The following MSANTD2 variants were observed in gnomAD, a reference collection of about 807,000 sequenced individuals.
The protein encoded by MSANTD2 is Myb/SANT DNA binding domain containing 2.
In MSANTD2, 19 loss-of-function variants were observed where a neutral mutation model predicts 52.6. That is an observed-to-expected ratio of 0.36 (90% CI 0.25 to 0.53). The LOEUF is 0.53. Ranked by LOEUF, MSANTD2 falls within the 20% of genes least tolerant of loss-of-function variation. MSANTD2 has a pLI of 0.91. For missense variants in MSANTD2, 558 were observed against 716.3 expected, an observed-to-expected ratio of 0.78 and a Z score of 2.52; for synonymous variants, 291 against 289.7, an observed-to-expected ratio of 1.00 and a Z score of -0.04.
At chr11:124,799,780 C>G in intron 1 of MSANTD2, 91 bp downstream of exon 1, 1 of 921,960 alleles carries the variant, frequency 1.1e-6, no homozygotes, top group Admixed American at 2.6e-5. Flanking sequence ...GGAGGAGAGC[C>G]CTGCCCTCAG....
At chr11:124,783,859 G>T (rs1398001416) in intron 1 of MSANTD2, 1 of 985,304 alleles carries the variant, frequency 1.0e-6, no homozygotes, top group African/African-American at 1.7e-5. Context: ...TAACCATAAA[G>T]CTTCTGACCC....
intron 1 of MSANTD2, among the ~76,000 whole-genome samples, chr11:124,777,009 A>G (rs967406506): frequency 2.0e-5 from 3 of 152,244 alleles, no homozygotes; most frequent in African/African-American, 7.2e-5. Context: ...AAACCTTCCA[A>G]TGGAAGGAGA....
chr11:124,798,234 T>TAAAAAAAAAAAAAA lies in MSANTD2; in HGVS notation c.510+1623_510+1636dup, dbSNP rs10601418. 3.2e-4 allele frequency among the ~76,000 whole-genome samples: 35 copies of TAAAAAAAAAAAAAA among 110,504 alleles called. 2 individuals carry two copies. The highest frequency in any genetic ancestry group is 1.4e-3 in the African/African-American group (34 of 24,868). 72.5% of individuals were successfully genotyped at this position (110,504 alleles called of 152,430 possible). ...GAGCAACGTAGAAGACCCTGTCTCTTAAAAAAAAAAAAAAAAAAAAAAAAA... is the reference window on the plus strand; with the variant it reads ...GAGCAACGTAGAAGACCCTGTCTCTTAAAAAAAAAAAAAAAAAAAAAAAAAAAAAAAAAAAAAAA... On this transcript the variant is annotated intron_variant, in intron 1 of 3. Coordinates refer to ENST00000374979, the MANE Select transcript of MSANTD2 (RefSeq NM_001308027.2).
In MSANTD2 at chr11:124,799,834, C is replaced by CCT; in HGVS notation, c.510+35_510+36dup. 3 of 1,508,500 alleles carry CCT rather than the reference C, an allele frequency of 2.0e-6. No individual in the cohort carries two copies. The South Asian group carries it at 3.5e-5, about 18-fold the overall frequency. 93.4% of individuals were successfully genotyped at this position (1,508,500 alleles called of 1,614,324 possible). On this transcript the variant is annotated intron_variant, in intron 1 of 3. Coordinates refer to ENST00000374979, the MANE Select transcript of MSANTD2 (RefSeq NM_001308027.2). ...GGCCCGCTTCCCCGCCTTCTCTCTG[C>CCT]CTCTGGTTCGCTGCCCCAGGCCGGG...
Position 124,779,414 on chromosome 11 carries a change from T to C in MSANTD2, c.511-4440A>G, listed in dbSNP as rs568169581. On this transcript the variant is annotated intron_variant, in intron 1 of 3. Coordinates refer to ENST00000374979, the MANE Select transcript of MSANTD2 (RefSeq NM_001308027.2). This position sits in a 1 kb window ranked among gnomAD's most constrained non-coding sequence, Gnocchi z 4.6. ...AGGCATATGCCAACCAATTCCAGTA[T>C]TGGCTTAATAATTTTCTCAAAGTTT... 6.6e-6 allele frequency among the ~76,000 whole-genome samples: 1 copy of C among 152,318 alleles called. No homozygotes were observed. The highest frequency in any genetic ancestry group is 2.1e-4 in the South Asian group (1 of 4,826).
At chr11:124,791,406 C>A in intron 1 of MSANTD2, 3 of 1,335,674 alleles carry the variant, frequency 2.2e-6, no homozygotes, top group South Asian at 1.2e-5. Context: ...AACCTTAGAA[C>A]TCAGTGTACA....
rs573260380 is a variant in MSANTD2, at chr11:124,800,361, G to T, written c.20C>A (p.Ser7Ter). ...TAGCGGCGAGTTGGCGGGCAGCTCC[G>T]AGCCACAGGGCGCAGCCATCTTCCA... Reference protein sequence around the residue: MAAPCGSELPANSPLKI... With the variant: MAAPCG The change falls in exon 1 of 4, where the codon TCG becomes TAG. Residue 7 changes from serine to a stop codon, truncating the protein, a stop_gained. Coordinates refer to ENST00000374979, the MANE Select transcript of MSANTD2 (RefSeq NM_001308027.2). LOFTEE classifies it high-confidence loss of function. This position sits in a 1 kb window ranked among gnomAD's most constrained non-coding sequence, Gnocchi z 4.3. 1.3e-6 allele frequency: 2 copies of T among 1,538,016 alleles called. No homozygotes were observed. Among genetic ancestry groups the T allele is most frequent in the Non-Finnish European group, 1.7e-6 (2 of 1,143,616 alleles).
chr11:124,795,217 C>T (rs1310001460), intron 1 of MSANTD2, among the ~76,000 whole-genome samples: 1 of 152,180 alleles, frequency 6.6e-6, no homozygotes, highest in Non-Finnish European at 1.5e-5. Flanking sequence ...GAGCGACCAG[C>T]ACTGATTCAG....
intron 1 of MSANTD2, among the ~76,000 whole-genome samples, chr11:124,796,762 C>T (rs529489146): frequency 6.6e-6 from 1 of 152,312 alleles, no homozygotes; most frequent in Non-Finnish European, 1.5e-5. Flanking sequence ...CCACATCTTA[C>T]TACTTTGCTT....
intron 1 of MSANTD2, among the ~76,000 whole-genome samples, chr11:124,787,672 T>G (rs946423319): frequency 3.9e-5 from 6 of 152,250 alleles, no homozygotes; most frequent in Non-Finnish European, 5.9e-5. Flanking sequence ...GTGAACTCTA[T>G]AGGTAAAAGG....
rs976438561 is a variant in MSANTD2 at position 124,775,843 on chromosome 11, G to C, written c.511-869C>G. The C allele has an allele frequency of 1.3e-5, 2 of 152,150 alleles. 1 individual carries two copies. The highest frequency in any genetic ancestry group is 4.1e-4 in the South Asian group (2 of 4,828). 9.4% of individuals were successfully genotyped at this position (152,150 alleles called of 1,614,324 possible). ...AAAACCTGAATAATTTTATTCTCTTGTACAACCCTTCCATTTTTACCATGG... is the reference window on the plus strand; with the variant it reads ...AAAACCTGAATAATTTTATTCTCTTCTACAACCCTTCCATTTTTACCATGG... On this transcript the variant is annotated intron_variant, in intron 1 of 3. Transcript: ENST00000374979.
intron 1 of MSANTD2, 129 bp from the exon 2 acceptor site, chr11:124,775,103 G>T: frequency 1.3e-6 from 1 of 759,708 alleles, no homozygotes; most frequent in South Asian, 2.5e-5. Context: ...AGGAATGCTA[G>T]ATTTCAAATT....
chr11:124,786,624 T>G (rs1467965339), intron 1 of MSANTD2, among the ~76,000 whole-genome samples: 1 of 152,248 alleles, frequency 6.6e-6, no homozygotes, highest in Non-Finnish European at 1.5e-5. Context: ...ATGAATACAA[T>G]TAAGTCTTTA....
chr11:124,779,720 G>A lies in MSANTD2; in HGVS notation c.511-4746C>T, dbSNP rs1218710892. 6.6e-6 allele frequency among the ~76,000 whole-genome samples: 1 copy of A among 152,180 alleles called. No homozygotes were observed. Among genetic ancestry groups the A allele is most frequent in the Non-Finnish European group, 1.5e-5 (1 of 68,042 alleles). ...ATTTTCAAATGTAGCTGTCAAGCTG[G>A]CCACACTGGAAATGGATTACATAGT... On this transcript the variant is annotated intron_variant, in intron 1 of 3. Coordinates refer to ENST00000374979, the MANE Select transcript of MSANTD2 (RefSeq NM_001308027.2). This position sits in a 1 kb window ranked among gnomAD's most constrained non-coding sequence, Gnocchi z 4.6.
Position 124,799,865 on chromosome 11 carries a change from G to A in MSANTD2, c.510+6C>T, listed in dbSNP as rs756614737. 1 of 1,572,862 alleles carries A rather than the reference G, an allele frequency of 6.4e-7. No homozygotes were observed. Among genetic ancestry groups the A allele is most frequent in the Non-Finnish European group, 8.6e-7 (1 of 1,167,544 alleles). On this transcript the variant is annotated splice_donor_region_variant and intron_variant, in intron 1 of 3. Transcript: ENST00000374979. ...GTTCGCTGCCCCAGGCCGGGCGGCC[G>A]GTTACCTTGATGCGCTCCCGGCACT...
chr11:124,799,797 C>G, intron 1 of MSANTD2, 74 bp downstream of exon 1: 1 of 1,172,250 alleles, frequency 8.5e-7, no homozygotes, highest in Non-Finnish European at 1.2e-6. Context: ...TCAGACCGGC[C>G]CCCGCCCCCG....
intron 2 of MSANTD2, among the ~76,000 whole-genome samples, chr11:124,773,940 C>T (rs6590094): frequency 0.32 from 49,371 of 152,052 alleles, 12,132 homozygotes; most frequent in African/African-American, 0.7. Flanking sequence ...TGATCAGTAC[C>T]TCCAAATTAT....
At position 124,799,892 on chromosome 11, in the gene MSANTD2, G is replaced by C. The variant is rs773859425; in HGVS notation, c.489C>G (p.Ser163=). The change falls in exon 1 of 4, where the codon TCC becomes TCG. Residue 163 remains serine, a synonymous_variant. Coordinates refer to ENST00000374979, the MANE Select transcript of MSANTD2 (RefSeq NM_001308027.2). ...LAELGYERTP[S]QCRERIKTLR... is the part of the protein sequence containing the mutation. ...TTACCTTGATGCGCTCCCGGCACTG[G>C]GACGGGGTCCGCTCGTAGCCCAGCT... The C allele has an allele frequency of 9.3e-5, 147 of 1,582,668 alleles. No homozygotes were observed. Among genetic ancestry groups the C allele is most frequent in the Non-Finnish European group, 1.2e-4 (143 of 1,172,866 alleles).
At chr11:124,786,867 C>A (rs1945179023) in intron 1 of MSANTD2, among the ~76,000 whole-genome samples, 1 of 152,076 alleles carries the variant, frequency 6.6e-6, no homozygotes, top group Non-Finnish European at 1.5e-5. Context: ...CTTCAATTGT[C>A]AAAATTTAAT....
Sources: allele counts gnomAD v4.1 joint callset (sites outside exome capture counted in the v4.1 genomes callset), GRCh38; gene constraint gnomAD v4.1.1; non-coding constraint Gnocchi (gnomAD v3.1); transcripts MANE v1.5; gene names NCBI Gene and HGNC (gene_info 2026-07-23, HGNC 2026-07-21).